Variants in SPSB1 observed in about 807,000 individuals in gnomAD.
The protein encoded by SPSB1 is SPRY domain-containing SOCS box protein 1.
SPSB1 carries 8 observed loss-of-function variants against 21.2 expected under a neutral mutation model. The observed-to-expected ratio is 0.38, with a 90% CI of 0.22 to 0.68. The LOEUF (loss-of-function observed/expected upper bound fraction) is 0.68. Among genes scored for constraint, SPSB1 ranks in the 30% least tolerant of loss-of-function variants. SPSB1 has a pLI of 0.53. For synonymous variants in SPSB1, 169 were observed against 161.7 expected, an observed-to-expected ratio of 1.05 and a Z score of -0.34; for missense variants, 242 against 377.8, an observed-to-expected ratio of 0.64 and a Z score of 2.98.
chr1:9,335,786 C>T (rs1018325844), intron 1 of SPSB1, among the ~76,000 whole-genome samples: 61 of 152,232 alleles, frequency 4.0e-4, no homozygotes, highest in African/African-American at 1.4e-3. Context: ...CCAGCCTGGA[C>T]GACAGGGCAG....
intron 1 of SPSB1, among the ~76,000 whole-genome samples, chr1:9,342,457 C>T (rs1041572449): frequency 6.6e-6 from 1 of 152,216 alleles, no homozygotes; most frequent in African/African-American, 2.4e-5. Context: ...ATCCCAGTGG[C>T]TTGTCAATTC....
At chr1:9,316,971 G>A (rs777773879) in intron 1 of SPSB1, among the ~76,000 whole-genome samples, 23 of 152,202 alleles carry the variant, frequency 1.5e-4, no homozygotes, top group African/African-American at 5.3e-4. Flanking sequence ...CCCAGGCCCC[G>A]TAGCAGGGCC....
At chr1:9,300,611 T>C (rs1301363021) in intron 1 of SPSB1, among the ~76,000 whole-genome samples, 1 of 152,220 alleles carries the variant, frequency 6.6e-6, no homozygotes, top group East Asian at 1.9e-4. Flanking sequence ...TGTTTGACCA[T>C]CAGCCACGAA....
chr1:9,297,888 C>T (rs761992725), intron 1 of SPSB1, among the ~76,000 whole-genome samples: 7 of 152,194 alleles, frequency 4.6e-5, no homozygotes, highest in Admixed American at 1.3e-4. Flanking sequence ...AGATCTTTCA[C>T]GCATACGTTG....
intron 1 of SPSB1, among the ~76,000 whole-genome samples, chr1:9,331,003 TC>T (rs1639908878): frequency 6.6e-6 from 1 of 152,104 alleles, no homozygotes; most frequent in Non-Finnish European, 1.5e-5. Context: ...CCAGAGTAGT[TC>T]CATACCTCCC....
chr1:9,323,496 CAGT>C (rs1639759390), intron 1 of SPSB1, among the ~76,000 whole-genome samples: 1 of 152,196 alleles, frequency 6.6e-6, no homozygotes. Context: ...GGTCAGAAGT[CAGT>C]GGTGGACTGT....
At chr1:9,339,930 C>T (rs565445731) in intron 1 of SPSB1, among the ~76,000 whole-genome samples, 1 of 152,270 alleles carries the variant, frequency 6.6e-6, no homozygotes, top group Non-Finnish European at 1.5e-5. Context: ...GGGATGGGAG[C>T]CCCTCCACCT....
intron 1 of SPSB1, among the ~76,000 whole-genome samples, chr1:9,320,241 CAG>C (rs762629436): frequency 2.4e-4 from 37 of 152,324 alleles, no homozygotes; most frequent in Non-Finnish European, 4.9e-4. Context: ...TTGTTCTAGG[CAG>C]GGGGTTGCAG....
chr1:9,301,703 A>T (rs1256546865), intron 1 of SPSB1, among the ~76,000 whole-genome samples: 2 of 152,136 alleles, frequency 1.3e-5, no homozygotes, highest in Non-Finnish European at 2.9e-5. Context: ...GCAGAGATGG[A>T]GGTGATGCAT....
At position 9,348,959 on chromosome 1, in the gene SPSB1, GTGTGTA is replaced by G. The variant is rs1366065516; in HGVS notation, c.-149-6782_-149-6777del. Among the ~76,000 whole-genome samples the G allele has an allele frequency of 3.9e-5, 4 of 103,064 alleles. No individual in the cohort carries two copies. Among genetic ancestry groups the G allele is most frequent in the African/African-American group, 1.3e-4 (3 of 23,148 alleles). The allele number at this position is 103,064 out of a possible 152,430, so 67.6% of individuals were successfully genotyped here. A position where few individuals can be genotyped will look rare whatever the true frequency, so the allele number is the denominator to read the frequency against. ...AGAATGTGTGTGTGTGTGTGTGTGTGTGTGTATATGTGCGTGTGTGCACGTGCATGT... is the reference window on the plus strand; with the variant it reads ...AGAATGTGTGTGTGTGTGTGTGTGTGTATGTGCGTGTGTGCACGTGCATGT... On this transcript the variant is annotated intron_variant, in intron 1 of 2. Coordinates refer to ENST00000328089, the MANE Select transcript of SPSB1 (RefSeq NM_025106.4). This position sits in a 1 kb window ranked among gnomAD's most constrained non-coding sequence, Gnocchi z 4.8.
chr1:9,365,317 A>G (rs143793491), intron 2 of SPSB1, among the ~76,000 whole-genome samples: 1,558 of 151,946 alleles, frequency 0.01, 60 homozygotes, highest in Admixed American at 0.081. Context: ...AGGTCTCCCT[A>G]TGTTGCTCAG....
chr1:9,299,295 T>C (rs964890585), intron 1 of SPSB1, among the ~76,000 whole-genome samples: 8 of 152,240 alleles, frequency 5.3e-5, no homozygotes, highest in African/African-American at 1.9e-4. Context: ...TCTCCAGCCC[T>C]ATGTCACAGT....
Position 9,305,308 on chromosome 1 carries a change from C to T in SPSB1, c.-150+12237C>T, listed in dbSNP as rs535140244. On this transcript the variant is annotated intron_variant, in intron 1 of 2. Transcript: ENST00000328089. The surrounding 1 kb of genome is among the most constrained non-coding windows in gnomAD (Gnocchi z 4.8). ...CCCCTCTTCCCAGGGATGTCCCCTT[C>T]AGCAGGTAGCCCTGCCATCCACGGT... 2.0e-5 allele frequency among the ~76,000 whole-genome samples: 3 copies of T among 152,356 alleles called. No homozygotes were observed. The highest frequency in any genetic ancestry group is 4.4e-5 in the Non-Finnish European group (3 of 68,028).
intron 1 of SPSB1, among the ~76,000 whole-genome samples, chr1:9,332,350 G>A (rs1157517514): frequency 6.6e-6 from 1 of 152,186 alleles, no homozygotes; most frequent in Admixed American, 6.5e-5. Context: ...AATTTACAAT[G>A]TTTGGCGCTA....
At chr1:9,344,331 T>C (rs1379853138) in intron 1 of SPSB1, among the ~76,000 whole-genome samples, 2 of 152,208 alleles carry the variant, frequency 1.3e-5, no homozygotes, top group African/African-American at 2.4e-5. Context: ...TGACTGATGT[T>C]GCTGGTTGGG....
intron 2 of SPSB1, among the ~76,000 whole-genome samples, chr1:9,366,854 G>T (rs529870021): frequency 6.6e-6 from 1 of 152,204 alleles, no homozygotes; most frequent in Non-Finnish European, 1.5e-5. Context: ...GATTACCAGC[G>T]TGAACCACCA....
chr1:9,315,692 C>A (rs918134478), intron 1 of SPSB1, among the ~76,000 whole-genome samples: 2 of 152,240 alleles, frequency 1.3e-5, no homozygotes, highest in African/African-American at 4.8e-5. Flanking sequence ...GCATCACGTG[C>A]AGCAAAGAAC....
rs555858263 is a variant in SPSB1 at position 9,326,780 on chromosome 1, T to C, written c.-149-28963T>C. Among the ~76,000 whole-genome samples the C allele has an allele frequency of 1.6e-4, 25 of 152,354 alleles. No homozygotes were observed. The South Asian group carries it at 5.2e-3, about 32-fold the overall frequency. On this transcript the variant is annotated intron_variant, in intron 1 of 2. Transcript: ENST00000328089. ...GTAAGCCCGCTGCTTCTGAGGGGCC[T>C]TCCTCATTCCTGCAGTTTAGTCTGT...
intron 1 of SPSB1, among the ~76,000 whole-genome samples, chr1:9,315,937 C>T (rs978719845): frequency 6.6e-6 from 1 of 152,240 alleles, no homozygotes; most frequent in African/African-American, 2.4e-5. Context: ...TTACGGGTTT[C>T]ACGCGTGCGG....
Sources: gnomAD v4.1 joint callset for allele counts (sites outside exome capture counted in the v4.1 genomes callset) on GRCh38, gnomAD v4.1.1 for gene constraint, Gnocchi (gnomAD v3.1) non-coding constraint, MANE v1.5 for transcripts, NCBI Gene and HGNC (gene_info 2026-07-23, HGNC 2026-07-21) for gene names.